MGAT5: variants seen among roughly 807,000 people sequenced by gnomAD.
MGAT5 encodes the protein alpha-1,6-mannosylglycoprotein 6-beta-N-acetylglucosaminyltransferase, also known as alpha-1,6-mannosylglycoprotein 6-beta-N-acetylglucosaminyltransferase A.
MGAT5 carries 30 observed loss-of-function variants against 94.3 expected under a neutral mutation model. The observed-to-expected ratio is 0.32, with a 90% CI of 0.24 to 0.43. MGAT5 has a LOEUF of 0.43. Ranked by LOEUF, MGAT5 falls within the 20% of genes least tolerant of loss-of-function variation. The pLI, the probability that MGAT5 is intolerant of heterozygous loss-of-function variation, is 1.00. For missense variants in MGAT5, 691 were observed against 905.5 expected, an observed-to-expected ratio of 0.76 and a Z score of 3.04; for synonymous variants, 310 against 322.9, an observed-to-expected ratio of 0.96 and a Z score of 0.43.
chr2:134,365,479 C>CA (rs769523460), intron 10 of MGAT5, among the ~76,000 whole-genome samples: 1 of 152,062 alleles, frequency 6.6e-6, no homozygotes, highest in South Asian at 2.1e-4. Flanking sequence ...TAACAGAAAT[C>CA]AAAAAAATGC....
chr2:134,383,014 G>A (rs1247693751), intron 10 of MGAT5, among the ~76,000 whole-genome samples: 1 of 152,198 alleles, frequency 6.6e-6, no homozygotes, highest in African/African-American at 2.4e-5. Context: ...ATAGAGGTGA[G>A]TCCTTTTAAA....
At chr2:134,311,600 C>G (rs190051030) in intron 2 of MGAT5, among the ~76,000 whole-genome samples, 340 of 152,266 alleles carry the variant, frequency 2.2e-3, no homozygotes, top group African/African-American at 7.6e-3. Flanking sequence ...CGCCTAGGAA[C>G]AGGTAGTTGA....
At position 134,188,922 on chromosome 2, in the gene MGAT5, A is replaced by G. The variant is rs545703933; in HGVS notation, c.-142-65340A>G. Reference sequence around the variant, plus strand: ...GAATCTCAGAACTCAGGAAAGCACTATATTTTCAACTATGGTTTTATTATA... The same window carrying G: ...GAATCTCAGAACTCAGGAAAGCACTGTATTTTCAACTATGGTTTTATTATA... On this transcript the variant is annotated intron_variant, in intron 1 of 16. Coordinates refer to the MGAT5 transcript ENST00000409645. Among the ~76,000 whole-genome samples the G allele has an allele frequency of 3.9e-5, 6 of 152,310 alleles. No homozygotes were observed. In the South Asian group the frequency reaches 1.0e-3, roughly 26 times the overall value.
intron 1 of MGAT5, among the ~76,000 whole-genome samples, chr2:134,174,447 G>A (rs1688363188): frequency 6.6e-6 from 1 of 152,280 alleles, no homozygotes; most frequent in Non-Finnish European, 1.5e-5. Flanking sequence ...GCTAGTGCCA[G>A]TGGCTGGCAC....
chr2:134,193,789 C>T lies in MGAT5; in HGVS notation c.-142-60473C>T, dbSNP rs557868762. Among the ~76,000 whole-genome samples the T allele has an allele frequency of 8.6e-5, 13 of 151,378 alleles. No homozygotes were observed. The South Asian group carries it at 1.5e-3, about 17-fold the overall frequency. On this transcript the variant is annotated intron_variant, in intron 1 of 16. Coordinates refer to the MGAT5 transcript ENST00000409645. ...GCTGGGAGAGTGTTTTAATCAATCG[C>T]GATGAAAGTTGGCTTCTGCTAGATC...
intron 10 of MGAT5, among the ~76,000 whole-genome samples, chr2:134,370,189 C>T (rs1419057919): frequency 3.3e-5 from 5 of 152,144 alleles, no homozygotes; most frequent in Non-Finnish European, 7.3e-5. Context: ...ATTAACTGCT[C>T]TTAGCTCATT....
chr2:134,216,136 T>G (rs755970111), intron 1 of MGAT5, among the ~76,000 whole-genome samples: 35 of 152,366 alleles, frequency 2.3e-4, no homozygotes, highest in Admixed American at 9.8e-4. Context: ...TACTGAATTA[T>G]ATTCTGCTCT....
chr2:134,233,699 A>G (rs745958567), intron 1 of MGAT5, among the ~76,000 whole-genome samples: 6 of 152,144 alleles, frequency 3.9e-5, no homozygotes, highest in Non-Finnish European at 8.8e-5. Flanking sequence ...AACTCTCATC[A>G]AGGATCGGTC....
intron 9 of MGAT5, among the ~76,000 whole-genome samples, chr2:134,356,643 A>G (rs1015472884): frequency 2.6e-5 from 4 of 152,146 alleles, no homozygotes; most frequent in African/African-American, 9.7e-5. Context: ...AGAGGTGGGG[A>G]ACATCCTAGT....
At chr2:134,294,246 G>A (rs1374119932) in intron 2 of MGAT5, among the ~76,000 whole-genome samples, 1 of 152,136 alleles carries the variant, frequency 6.6e-6, no homozygotes, top group African/African-American at 2.4e-5. Flanking sequence ...GTTAAGTCAT[G>A]GGAAGATCTC....
At chr2:134,303,911 T>C (rs983051916) in intron 2 of MGAT5, among the ~76,000 whole-genome samples, 19 of 152,162 alleles carry the variant, frequency 1.2e-4, no homozygotes, top group African/African-American at 2.4e-5. Context: ...GCCATATAAA[T>C]GTGAGTCTTA....
intron 1 of MGAT5, among the ~76,000 whole-genome samples, chr2:134,245,877 T>A (rs1411345008): frequency 6.6e-6 from 1 of 152,170 alleles, no homozygotes. Flanking sequence ...AAGACAAATA[T>A]GCACTTCAGG....
At position 134,268,196 on chromosome 2, in the gene MGAT5, A is replaced by G. The variant is rs549285864; in HGVS notation, c.242-2190A>G. Reference sequence around the variant, plus strand: ...GTTGAGAAATCCTGAGTTAAGTCACACTAGAGGGCCAGGGCTTCTGTGCTT... The same window carrying G: ...GTTGAGAAATCCTGAGTTAAGTCACGCTAGAGGGCCAGGGCTTCTGTGCTT... On this transcript the variant is annotated intron_variant, in intron 1 of 15. Transcript: ENST00000281923. The surrounding 1 kb of genome is among the most constrained non-coding windows in gnomAD (Gnocchi z 4.1). Among the ~76,000 whole-genome samples, 34 of 152,306 alleles carry G rather than the reference A, an allele frequency of 2.2e-4. 1 individual carries two copies. The highest frequency in any genetic ancestry group is 6.7e-4 in the African/African-American group (28 of 41,568).
intron 1 of MGAT5, among the ~76,000 whole-genome samples, chr2:134,169,292 C>T (rs953208793): frequency 2.6e-5 from 4 of 152,022 alleles, no homozygotes; most frequent in African/African-American, 9.7e-5. Flanking sequence ...GTAATCCCAG[C>T]ACTTTGGGAG....
At chr2:134,148,158 T>C (rs1285176959) in intron 1 of MGAT5, among the ~76,000 whole-genome samples, 2 of 152,252 alleles carry the variant, frequency 1.3e-5, no homozygotes, top group African/African-American at 4.8e-5. Context: ...AAATGTTATT[T>C]TGAGGAAACA....
chr2:134,169,104 T>C (rs542428698), intron 1 of MGAT5, among the ~76,000 whole-genome samples: 17 of 152,238 alleles, frequency 1.1e-4, no homozygotes, highest in South Asian at 2.1e-4. Flanking sequence ...AGAAATACTT[T>C]GGGGGAGGGC....
chr2:134,329,486 A>G (rs1027589448), intron 4 of MGAT5, among the ~76,000 whole-genome samples: 5 of 152,082 alleles, frequency 3.3e-5, no homozygotes, highest in Admixed American at 6.6e-5. Flanking sequence ...CATACAGAAG[A>G]CCTAGGCGAT....
At chr2:134,155,836 C>T (rs1360520490) in intron 1 of MGAT5, among the ~76,000 whole-genome samples, 3 of 152,070 alleles carry the variant, frequency 2.0e-5, no homozygotes, top group Non-Finnish European at 2.9e-5. Context: ...TTCCTTCCTT[C>T]CCTCTTTTTC....
At chr2:134,362,178 T>C (rs1680138443) in intron 9 of MGAT5, 97 bp from the exon 10 acceptor site, 4 of 1,434,160 alleles carry the variant, frequency 2.8e-6, no homozygotes, top group Non-Finnish European at 3.8e-6. Flanking sequence ...AAAACAAACA[T>C]TTTGTTATGG....
Sources: gnomAD v4.1 joint callset for allele counts (sites outside exome capture counted in the v4.1 genomes callset) on GRCh38, gnomAD v4.1.1 for gene constraint, Gnocchi (gnomAD v3.1) non-coding constraint, MANE v1.5 for transcripts, NCBI Gene and HGNC (gene_info 2026-07-23, HGNC 2026-07-21) for gene names.